Variants in COXFA4 observed in about 807,000 individuals in gnomAD.
COXFA4 encodes cytochrome c oxidase subunit FA4.
At chr7:10,932,712 G>A in the COXFA4 span, 1 of 152,136 alleles carries the variant, frequency 6.6e-6, no homozygotes, top group African/African-American at 2.4e-5. Context: ...GCTCACGCCT[G>A]TAATCCCAGC....
At chr7:10,934,368 G>T in the COXFA4 span, among the ~76,000 whole-genome samples, 1 of 128,642 alleles carries the variant, frequency 7.8e-6, no homozygotes, top group Non-Finnish European at 1.6e-5. Context: ...ATCTTACTGT[G>T]ATTGCTTTAA....
At chr7:10,938,006 T>C in the COXFA4 span, 5 of 1,091,312 alleles carry the variant, frequency 4.6e-6, no homozygotes, top group Non-Finnish European at 5.7e-6. Context: ...TTTACTCGTA[T>C]ATCCAGTTTC....
chr7:10,938,997 C>T, the COXFA4 span: 52 of 885,714 alleles, frequency 5.9e-5, no homozygotes, highest in African/African-American at 8.2e-4. Context: ...AAGTCTCAAA[C>T]TGTTATTGGA....
chr7:10,937,782 CTG>C, the COXFA4 span: 3 of 305,966 alleles, frequency 9.8e-6, no homozygotes, highest in East Asian at 6.6e-5. Context: ...GCTGAAGAAT[CTG>C]TGTTTCAACA....
chr7:10,939,672 C>T, the COXFA4 span: 429 of 380,720 alleles, frequency 1.1e-3, 1 homozygote, highest in African/African-American at 8.6e-3. Flanking sequence ...CTGACCTATG[C>T]TAGTCTCTGA....
At chr7:10,932,794 AC>A in the COXFA4 span, 1 of 152,092 alleles carries the variant, frequency 6.6e-6, no homozygotes, top group Non-Finnish European at 1.5e-5. Context: ...ACATGGCAAA[AC>A]CCTGTCTCTA....
the COXFA4 span, chr7:10,940,039 C>CG: frequency 6.2e-7 from 1 of 1,613,704 alleles, no homozygotes; most frequent in Non-Finnish European, 8.5e-7. Flanking sequence ...TTGGCCTGAC[C>CG]GATGATCTGG....
At chr7:10,939,067 CTG>C in the COXFA4 span, 6 of 570,526 alleles carry the variant, frequency 1.1e-5, no homozygotes, top group East Asian at 3.1e-5. Flanking sequence ...TTTCTTATAA[CTG>C]TGTTCTAAAG....
At chr7:10,933,751 G>C in the COXFA4 span, 2 of 1,266,262 alleles carry the variant, frequency 1.6e-6, no homozygotes, top group South Asian at 2.5e-5. Flanking sequence ...CGGTACAAAG[G>C]TTTTAGAATT....
the COXFA4 span, chr7:10,940,146 G>T: frequency 6.6e-6 from 9 of 1,353,870 alleles, no homozygotes; most frequent in East Asian, 2.3e-5. Context: ...GAGACACTAC[G>T]GACTTCCAAA....
chr7:10,936,931 G>A, the COXFA4 span, among the ~76,000 whole-genome samples: 1 of 152,238 alleles, frequency 6.6e-6, no homozygotes, highest in African/African-American at 2.4e-5. Flanking sequence ...AGCTACTCAG[G>A]AGAGTGAGGC....
At chr7:10,932,212 A>C in the COXFA4 span, 1 of 152,324 alleles carries the variant, frequency 6.6e-6, no homozygotes, top group Middle Eastern at 3.4e-3. Context: ...AACAAGCTAA[A>C]GCGCATGGGA....
the COXFA4 span, chr7:10,933,035 G>C: frequency 6.6e-6 from 1 of 151,540 alleles, no homozygotes; most frequent in Admixed American, 6.6e-5. Context: ...AAATTCTCAA[G>C]ATCTCTTGAC....
the COXFA4 span, among the ~76,000 whole-genome samples, chr7:10,934,981 A>C: frequency 1.3e-5 from 2 of 152,370 alleles, no homozygotes; most frequent in Non-Finnish European, 2.9e-5. Context: ...CTGCAGGTAT[A>C]TATTAAGGAC....
the COXFA4 span, chr7:10,933,131 C>T: frequency 1.3e-5 from 2 of 158,410 alleles, no homozygotes. Context: ...AAAATCACAA[C>T]AAAGAGATGC....
chr7:10,940,057 T>A, the COXFA4 span: 1 of 1,613,718 alleles, frequency 6.2e-7, no homozygotes, highest in South Asian at 1.1e-5. Flanking sequence ...TGGCGGAGCA[T>A]GTTTGCGGCA....
chr7:10,934,742 A>G, the COXFA4 span, among the ~76,000 whole-genome samples: 1 of 152,208 alleles, frequency 6.6e-6, no homozygotes, highest in Non-Finnish European at 1.5e-5. Flanking sequence ...CTGACAAAAA[A>G]AATCCTCAGG....
the COXFA4 span, chr7:10,933,737 G>C: frequency 5.2e-6 from 7 of 1,350,478 alleles, no homozygotes; most frequent in Non-Finnish European, 7.4e-6. Context: ...CAAATACACA[G>C]AGACGGTACA....
At chr7:10,935,914 G>C in the COXFA4 span, among the ~76,000 whole-genome samples, 1 of 152,172 alleles carries the variant, frequency 6.6e-6, no homozygotes, top group Non-Finnish European at 1.5e-5. Flanking sequence ...ATTCTAAGGT[G>C]AATAAGTAGC....
Sources: allele counts gnomAD v4.1 joint callset (sites outside exome capture counted in the v4.1 genomes callset), GRCh38; gene constraint gnomAD v4.1.1; transcripts MANE v1.5; gene names NCBI Gene and HGNC (gene_info 2026-07-23, HGNC 2026-07-21).